ANGPT2: variants seen among roughly 807,000 people sequenced by gnomAD.
The protein encoded by ANGPT2 is angiopoietin 2, also known as angiopoietin-2.
ANGPT2 carries 28 observed loss-of-function variants against 62.9 expected under a neutral mutation model. That is an observed-to-expected ratio of 0.44 (90% confidence interval 0.33 to 0.61). The LOEUF is 0.61. Ranked by LOEUF, ANGPT2 falls within the 20% of genes least tolerant of loss-of-function variation. ANGPT2 has a pLI of 0.03. For missense variants in ANGPT2, 727 were observed against 594.9 expected, an observed-to-expected ratio of 1.22 and a Z score of -2.31; for synonymous variants, 284 against 207.8, an observed-to-expected ratio of 1.37 and a Z score of -3.15.
In ANGPT2 at chr8:6,502,710, C is replaced by A. The variant is rs1586157808; in HGVS notation, c.*391G>T. On this transcript the variant is annotated 3_prime_UTR_variant, in exon 9 of 9. Coordinates refer to ENST00000629816, the MANE Select transcript of ANGPT2 (RefSeq NM_001118887.2). ...ATTTACACAGTGTATAAACAGTGCTCAGAAGAATGCAGTTCCAAGATGATC... is the reference window on the plus strand; with the variant it reads ...ATTTACACAGTGTATAAACAGTGCTAAGAAGAATGCAGTTCCAAGATGATC... 4.9e-6 allele frequency: 1 copy of A among 204,010 alleles called. No homozygotes were observed. Among genetic ancestry groups the A allele is most frequent in the Non-Finnish European group, 9.9e-6 (1 of 101,356 alleles). 12.6% of individuals were successfully genotyped at this position (204,010 alleles called of 1,614,324 possible). A position where few individuals can be genotyped will look rare whatever the true frequency, so the allele number is the denominator to read the frequency against.
intron 1 of ANGPT2, among the ~76,000 whole-genome samples, chr8:6,554,776 T>C (rs1449756843): frequency 6.6e-6 from 1 of 151,950 alleles, no homozygotes; most frequent in Non-Finnish European, 1.5e-5. Flanking sequence ...AGTCCACAGG[T>C]TTCAATCAGG....
chr8:6,558,678 T>C (rs1825036264), intron 1 of ANGPT2, among the ~76,000 whole-genome samples: 1 of 152,224 alleles, frequency 6.6e-6, no homozygotes, highest in Admixed American at 6.5e-5. Flanking sequence ...GGTAAGGTTA[T>C]GGAAATCCAT....
intron 5 of ANGPT2, among the ~76,000 whole-genome samples, chr8:6,515,058 C>T (rs557398299): frequency 1.3e-5 from 2 of 151,810 alleles, no homozygotes; most frequent in East Asian, 3.9e-4. Context: ...GGCTAAAGAC[C>T]CCACCCTGAT....
chr8:6,531,913 C>G (rs903285510), intron 2 of ANGPT2, among the ~76,000 whole-genome samples: 12 of 152,150 alleles, frequency 7.9e-5, no homozygotes, highest in African/African-American at 2.4e-4. Flanking sequence ...TATCTTAACT[C>G]AAGAGTTAGA....
chr8:6,558,549 C>G (rs1416197987), intron 1 of ANGPT2, among the ~76,000 whole-genome samples: 1 of 152,134 alleles, frequency 6.6e-6, no homozygotes, highest in Non-Finnish European at 1.5e-5. Flanking sequence ...AACTGGCTTA[C>G]AGATAAACTT....
At chr8:6,540,889 C>T (rs574691098) in intron 1 of ANGPT2, among the ~76,000 whole-genome samples, 90 of 152,256 alleles carry the variant, frequency 5.9e-4, no homozygotes, top group Non-Finnish European at 1.3e-3. Context: ...TGGTAAGAAG[C>T]CCCACAGGAT....
chr8:6,514,101 A>G (rs1283353160), intron 6 of ANGPT2, among the ~76,000 whole-genome samples: 1 of 152,222 alleles, frequency 6.6e-6, no homozygotes, highest in East Asian at 1.9e-4. Flanking sequence ...AAGCCTTGGC[A>G]TAAACAGCTC....
chr8:6,531,728 C>G (rs1180942925), intron 2 of ANGPT2, among the ~76,000 whole-genome samples: 2 of 152,208 alleles, frequency 1.3e-5, no homozygotes, highest in African/African-American at 4.8e-5. Context: ...AGGTGAGTGC[C>G]TCATTGTGAT....
chr8:6,529,755 G>A (rs537505751), intron 2 of ANGPT2, among the ~76,000 whole-genome samples: 11 of 151,468 alleles, frequency 7.3e-5, no homozygotes, highest in African/African-American at 2.2e-4. Context: ...CTGAGCAAGC[G>A]TGCTCAGCTG....
At chr8:6,560,215 G>C (rs955999640) in intron 1 of ANGPT2, among the ~76,000 whole-genome samples, 6 of 152,120 alleles carry the variant, frequency 3.9e-5, no homozygotes, top group Admixed American at 2.6e-4. Context: ...AGGAGATATG[G>C]AAACATTTTT....
intron 7 of ANGPT2, among the ~76,000 whole-genome samples, chr8:6,511,442 C>T (rs1242574787): frequency 3.3e-5 from 5 of 152,040 alleles, no homozygotes; most frequent in Non-Finnish European, 5.9e-5. Context: ...ATTTAATGTA[C>T]GCATAGCTTT....
intron 7 of ANGPT2, among the ~76,000 whole-genome samples, chr8:6,509,984 C>T (rs1057206534): frequency 7.9e-5 from 12 of 152,128 alleles, no homozygotes; most frequent in African/African-American, 2.9e-4. Flanking sequence ...ATTTAAATCC[C>T]AAAGTGTAGT....
chr8:6,545,913 A>G (rs1822501303), intron 1 of ANGPT2, among the ~76,000 whole-genome samples: 2 of 152,252 alleles, frequency 1.3e-5, no homozygotes, highest in Non-Finnish European at 2.9e-5. Flanking sequence ...GAGACATAGT[A>G]TAAAAAACTG....
intron 1 of ANGPT2, among the ~76,000 whole-genome samples, chr8:6,556,014 A>G (rs533985801): frequency 6.6e-6 from 1 of 152,180 alleles, no homozygotes; most frequent in African/African-American, 2.4e-5. Context: ...TGCTGTGGGG[A>G]CTTGGTATCT....
intron 1 of ANGPT2, 149 bp from the exon 2 acceptor site, chr8:6,532,636 T>C (rs1819744548): frequency 1.5e-6 from 1 of 649,740 alleles, no homozygotes; most frequent in Non-Finnish European, 2.3e-6. Context: ...GGAATCTTAC[T>C]ATTTTTTTTT....
Position 6,499,976 on chromosome 8 carries a change from C to G in ANGPT2, c.*3125G>C. On this transcript the variant is annotated 3_prime_UTR_variant, in exon 9 of 9. Coordinates refer to ENST00000629816, the MANE Select transcript of ANGPT2 (RefSeq NM_001118887.2). ...GATGGTAAATGCAGTTTGCTGTTCT[C>G]AAGAAATTATTATAAACATAAGGGT... 1.3e-6 allele frequency: 2 copies of G among 1,513,222 alleles called. No homozygotes were observed. The highest frequency in any genetic ancestry group is 1.4e-5 in the African/African-American group (1 of 72,948). The allele number at this position is 1,513,222 out of a possible 1,614,324, so 93.7% of individuals were successfully genotyped here. A position where few individuals can be genotyped will look rare whatever the true frequency, so the allele number is the denominator to read the frequency against.
intron 2 of ANGPT2, among the ~76,000 whole-genome samples, chr8:6,530,731 G>A (rs901565305): frequency 6.6e-6 from 1 of 152,140 alleles, no homozygotes; most frequent in Non-Finnish European, 1.5e-5. Context: ...TGGTAGTCAA[G>A]TAATTTGTTA....
intron 1 of ANGPT2, among the ~76,000 whole-genome samples, chr8:6,540,262 T>G (rs553906653): frequency 6.6e-6 from 1 of 152,360 alleles, no homozygotes; most frequent in East Asian, 1.9e-4. Flanking sequence ...CCCTTACCAC[T>G]ACTCCAAAAT....
intron 7 of ANGPT2, among the ~76,000 whole-genome samples, chr8:6,512,088 T>C (rs780571428): frequency 6.6e-6 from 1 of 152,198 alleles, no homozygotes; most frequent in South Asian, 2.1e-4. Context: ...ATCTCGGTTG[T>C]TGCCTCTCCA....
Sources: allele counts gnomAD v4.1 joint callset (sites outside exome capture counted in the v4.1 genomes callset), GRCh38; gene constraint gnomAD v4.1.1; transcripts MANE v1.5; gene names NCBI Gene and HGNC (gene_info 2026-07-23, HGNC 2026-07-21).